The following TBC1D21 variants were observed in gnomAD, a reference collection of about 807,000 sequenced individuals.
TBC1D21 encodes TBC1 domain family member 21, also known as male germ cell Rab GTPase-activating protein.
A neutral mutation model predicts 46.0 loss-of-function variants in TBC1D21; 38 were observed. The ratio of observed to expected loss-of-function variants is 0.83; its 90% CI spans 0.64 to 1.08. TBC1D21 has a LOEUF of 1.08. Among genes scored for constraint, TBC1D21 ranks in the 50% least tolerant of loss-of-function variants. The probability of loss-of-function intolerance (pLI) is 0.00; values close to 1 mark genes in which losing one functional copy is unlikely to be tolerated. For synonymous variants in TBC1D21, 151 were observed against 157.2 expected, an observed-to-expected ratio of 0.96 and a Z score of 0.29; for missense variants, 415 against 417.9, an observed-to-expected ratio of 0.99 and a Z score of 0.06.
chr15:73,903,719 G>A, the TBC1D21 span, among the ~76,000 whole-genome samples: 13 of 152,252 alleles, frequency 8.5e-5, 1 homozygote, highest in South Asian at 1.0e-3. Flanking sequence ...TCCTGCCCTC[G>A]GTCTGCCTCT....
the TBC1D21 span, among the ~76,000 whole-genome samples, chr15:73,903,838 G>C: frequency 6.6e-6 from 1 of 152,178 alleles, no homozygotes; most frequent in Non-Finnish European, 1.5e-5. Flanking sequence ...CTTGAGGTGA[G>C]GAGTTCGAGA....
chr15:73,902,255 C>T, the TBC1D21 span, among the ~76,000 whole-genome samples: 1 of 152,340 alleles, frequency 6.6e-6, no homozygotes, highest in East Asian at 1.9e-4. Flanking sequence ...TGCCTGCCTG[C>T]CGTGGCCCTC....
At position 73,886,546 on chromosome 15, in the gene TBC1D21, C is replaced by G. The variant is rs765385847; in HGVS notation, c.711C>G (p.Phe237Leu). 1 of 1,613,760 alleles carries G rather than the reference C, an allele frequency of 6.2e-7. No individual in the cohort carries two copies. The highest frequency in any genetic ancestry group is 1.1e-5 in the South Asian group (1 of 91,054). ...GKGAGAVQSLFPWFCFCFQRA... is the reference protein window; with the variant it reads ...GKGAGAVQSLLPWFCFCFQRA... ...GTGCAGGGGCTGTGCAGTCCCTCTT[C>G]CCCTGGTTCTGCTTCTGCTTCCAGC... is the stretch of plus-strand genomic sequence containing the variant. The change falls in exon 8 of 11, where the codon TTC becomes TTG. Residue 237 changes from phenylalanine to leucine, a missense_variant. Physicochemically the swap from Phe to Leu is conservative, Grantham distance 22 (BLOSUM62 0). Coordinates refer to ENST00000300504, the MANE Select transcript of TBC1D21 (RefSeq NM_153356.3).
At position 73,887,748 on chromosome 15, in the gene TBC1D21, C is replaced by T; in HGVS notation, c.894+12C>T. On this transcript the variant is annotated intron_variant, in intron 9 of 10. Coordinates refer to ENST00000300504, the MANE Select transcript of TBC1D21 (RefSeq NM_153356.3). ...ATGACATCCTCCTGGTGAGAGCACC[C>T]TCGGGCAAGCTACCACCCCTGCTCC... 6.2e-7 allele frequency: 1 copy of T among 1,608,254 alleles called. No homozygotes were observed. The highest frequency in any genetic ancestry group is 8.5e-7 in the Non-Finnish European group (1 of 1,175,976).
chr15:73,889,141 CA>C lies in TBC1D21; in HGVS notation c.*41del. The C allele has an allele frequency of 6.2e-7, 1 of 1,606,192 alleles. No homozygotes were observed. ...GCAGTGGACTGATGCCTTCGATGGG[CA>C]GGATGAAGGCCAGGGGCACTGGAGT... On this transcript the variant is annotated 3_prime_UTR_variant, in exon 11 of 11. Coordinates refer to ENST00000300504, the MANE Select transcript of TBC1D21 (RefSeq NM_153356.3).
intron 6 of TBC1D21, 77 bp downstream of exon 6, chr15:73,885,180 C>A (rs2068223178): frequency 2.3e-6 from 3 of 1,316,090 alleles, no homozygotes; most frequent in Non-Finnish European, 3.2e-6. Flanking sequence ...TGAGGATGGG[C>A]AGGCATTGGC....
the TBC1D21 span, among the ~76,000 whole-genome samples, chr15:73,909,568 A>G: frequency 6.6e-6 from 1 of 152,114 alleles, no homozygotes; most frequent in Non-Finnish European, 1.5e-5. Flanking sequence ...TCAGAATCTC[A>G]TGTTTGCGTA....
chr15:73,900,062 C>A, the TBC1D21 span, among the ~76,000 whole-genome samples: 11 of 152,236 alleles, frequency 7.2e-5, no homozygotes, highest in Non-Finnish European at 1.3e-4. Context: ...TGGTTTCTGG[C>A]GATGTGACTG....
Position 73,886,369 on chromosome 15 carries a change from T to C in TBC1D21, c.677-143T>C, listed in dbSNP as rs947929195. 6.9e-6 allele frequency: 6 copies of C among 875,888 alleles called. No homozygotes were observed. The African/African-American group carries it at 1.0e-4, about 15-fold the overall frequency. The allele number at this position is 875,888 out of a possible 1,614,324, so 54.3% of individuals were successfully genotyped here. ...AGTTGAAAGTTGACTCTAAACCATC[T>C]CCCAGGGCAGCTGGAAAAGGGGCGG... On this transcript the variant is annotated intron_variant, in intron 7 of 10. Transcript: ENST00000300504.
chr15:73,892,540 GT>G (rs2068345439), downstream of TBC1D21, among the ~76,000 whole-genome samples: 3 of 152,230 alleles, frequency 2.0e-5, no homozygotes, highest in Admixed American at 2.0e-4. Context: ...CATGGATGCT[GT>G]TTGTGGTACT....
Position 73,876,199 on chromosome 15 carries a change from G to GGTGTTTTTTTTTTTTTTTTTTTTTTTTT in TBC1D21, c.60+2430_60+2431insGTGTTTTTTTTTTTTTTTTTTTTTTTTT, listed in dbSNP as rs2068057275. Among the ~76,000 whole-genome samples the GGTGTTTTTTTTTTTTTTTTTTTTTTTTT allele has an allele frequency of 2.1e-4, 6 of 28,314 alleles. 3 individuals carry two copies. 18.6% of individuals were successfully genotyped at this position (28,314 alleles called of 152,430 possible). ...GAAGAATCAGTGACTTTTTTTGTGGGTTTTTTTTTTTTTTTTTTTTTTTTT... is the reference window on the plus strand; with the variant it reads ...GAAGAATCAGTGACTTTTTTTGTGGGGTGTTTTTTTTTTTTTTTTTTTTTTTTTTTTTTTTTTTTTTTTTTTTTTTTTT... On this transcript the variant is annotated intron_variant, in intron 1 of 10. Transcript: ENST00000300504.
intron 6 of TBC1D21, 68 bp downstream of exon 6, chr15:73,885,171 G>C: frequency 6.9e-7 from 1 of 1,446,294 alleles, no homozygotes; most frequent in East Asian, 2.3e-5. Flanking sequence ...ACAACTCTTT[G>C]AGGATGGGCA....
At chr15:73,892,110 G>A (rs2068342109), downstream of TBC1D21, among the ~76,000 whole-genome samples, 1 of 152,200 alleles carries the variant, frequency 6.6e-6, no homozygotes, top group South Asian at 2.1e-4. Flanking sequence ...CCCCTCTGAA[G>A]CCCATAAAAA....
chr15:73,892,683 A>C (rs1420158662), downstream of TBC1D21, among the ~76,000 whole-genome samples: 1 of 152,152 alleles, frequency 6.6e-6, no homozygotes, highest in Non-Finnish European at 1.5e-5. Context: ...TCAACACTCC[A>C]TGTCTGGCTC....
intron 8 of TBC1D21, among the ~76,000 whole-genome samples, chr15:73,886,880 G>T (rs1047250781): frequency 9.9e-5 from 15 of 152,204 alleles, no homozygotes; most frequent in African/African-American, 3.6e-4. Context: ...TGCAGTGGGA[G>T]CCTGGGCCTG....
chr15:73,904,930 C>T, the TBC1D21 span, among the ~76,000 whole-genome samples: 2 of 152,158 alleles, frequency 1.3e-5, no homozygotes, highest in African/African-American at 4.8e-5. Context: ...GAGCGAGAGA[C>T]AGCTTGAGAC....
chr15:73,886,211 C>G, intron 7 of TBC1D21, 37 bp downstream of exon 7: 1 of 1,582,856 alleles, frequency 6.3e-7, no homozygotes, highest in Non-Finnish European at 8.7e-7. Flanking sequence ...TCACGCACCC[C>G]CCAGGCATGG....
At position 73,887,689 on chromosome 15, in the gene TBC1D21, C is replaced by A. The variant is rs1348615312; in HGVS notation, c.847C>A (p.Arg283=). 6.2e-7 allele frequency: 1 copy of A among 1,613,888 alleles called. No individual in the cohort carries two copies. The highest frequency in any genetic ancestry group is 2.2e-5 in the East Asian group (1 of 44,874). Residue 283 remains arginine, a synonymous_variant, in exon 9 of 11, where the codon CGG becomes AGG. Coordinates refer to ENST00000300504, the MANE Select transcript of TBC1D21 (RefSeq NM_153356.3). ...GGCCTACAGCATGCTGCAGATGGTG[C>A]GGGAGCAGGTGCTGCAGGAAAGCAT... The part of the protein sequence containing the change: ...LVAYSMLQMV[R]EQVLQESMGG...
chr15:73,892,729 G>A (rs1030119323), downstream of TBC1D21, among the ~76,000 whole-genome samples: 9 of 152,226 alleles, frequency 5.9e-5, no homozygotes, highest in East Asian at 1.9e-4. Flanking sequence ...CCAATAGTGC[G>A]AGCCGAATGC....
Sources: allele counts gnomAD v4.1 joint callset (sites outside exome capture counted in the v4.1 genomes callset), GRCh38; gene constraint gnomAD v4.1.1; transcripts MANE v1.5; gene names NCBI Gene and HGNC (gene_info 2026-07-23, HGNC 2026-07-21).